The following ALDH1L2 variants were observed in gnomAD, a reference collection of about 807,000 sequenced individuals.
ALDH1L2 encodes mitochondrial 10-formyltetrahydrofolate dehydrogenase.
A neutral mutation model predicts 111.0 loss-of-function variants in ALDH1L2; 91 were observed. That is an observed-to-expected ratio of 0.82 (90% CI 0.69 to 0.98). The LOEUF (loss-of-function observed/expected upper bound fraction) is 0.98. ALDH1L2 is among the 50% of genes least tolerant of loss of function. The pLI is 0.00. For missense variants in ALDH1L2, 995 were observed against 1,126.8 expected, an observed-to-expected ratio of 0.88 and a Z score of 1.67; for synonymous variants, 374 against 392.6, an observed-to-expected ratio of 0.95 and a Z score of 0.56.
chr12:105,082,350 A>T lies in ALDH1L2; in HGVS notation c.48+2039T>A, dbSNP rs4964331. ...CGCCCAAATTCCTTTATGCCTATTTATAATCAATCCTTCCTCCTATCTCCA... is the reference window on the plus strand; with the variant it reads ...CGCCCAAATTCCTTTATGCCTATTTTTAATCAATCCTTCCTCCTATCTCCA... On this transcript the variant is annotated intron_variant, in intron 1 of 22. Transcript: ENST00000258494. 4.0e-3 allele frequency among the ~76,000 whole-genome samples: 614 copies of T among 152,262 alleles called. 8 individuals are homozygous for T. The highest frequency in any genetic ancestry group is 0.014 in the African/African-American group (574 of 41,546).
intron 21 of ALDH1L2, among the ~76,000 whole-genome samples, chr12:105,029,181 C>T (rs1186773641): frequency 1.3e-5 from 2 of 151,766 alleles, no homozygotes; most frequent in African/African-American, 4.8e-5. Context: ...GCACATGCCA[C>T]CATGCCCAGC....
In ALDH1L2 at chr12:105,049,999, G is replaced by T; in HGVS notation, c.1595C>A (p.Ser532Ter). The change falls in exon 13 of 23, where the codon TCA (serine) becomes TAA (stop). Residue 532 changes from serine to a stop codon, truncating the protein, a stop_gained. Coordinates refer to ENST00000258494, the MANE Select transcript of ALDH1L2 (RefSeq NM_001034173.4). LOFTEE classifies it high-confidence loss of function. ...EELATIEALD[S>*]GAVYTLALKT... is the part of the protein sequence containing the mutation. ...CAGGGCCAAGGTATAGACAGCCCCTGAATCAAGGGCTTCAATAGTTGCCAG... is the reference window on the plus strand; with the variant it reads ...CAGGGCCAAGGTATAGACAGCCCCTTAATCAAGGGCTTCAATAGTTGCCAG... 6.2e-7 allele frequency: 1 copy of T among 1,611,390 alleles called. No individual in the cohort carries two copies. The highest frequency in any genetic ancestry group is 1.1e-5 in the South Asian group (1 of 90,518).
At chr12:105,046,197 A>ATATATAT (rs1875869030) in intron 15 of ALDH1L2, among the ~76,000 whole-genome samples, 3 of 19,316 alleles carry the variant, frequency 1.6e-4, no homozygotes, top group Non-Finnish European at 2.7e-4. Context: ...CTCTCTCTAT[A>ATATATAT]TATATATATA....
rs902338623 is a variant in ALDH1L2 at position 105,020,286 on chromosome 12, G to A, written c.*4138C>T. 2.0e-5 allele frequency: 3 copies of A among 152,062 alleles called. No homozygotes were observed. Among genetic ancestry groups the A allele is most frequent in the African/African-American group, 7.2e-5 (3 of 41,384 alleles). The allele number at this position is 152,062 out of a possible 1,614,324, so 9.4% of individuals were successfully genotyped here. A position where few individuals can be genotyped will look rare whatever the true frequency, so the allele number is the denominator to read the frequency against. Reference sequence around the variant, plus strand: ...AGCTTTTATAGATAATGTCCATTTTGCTTATTATTTTTAGTTTAACCAATA... The same window carrying A: ...AGCTTTTATAGATAATGTCCATTTTACTTATTATTTTTAGTTTAACCAATA... On this transcript the variant is annotated 3_prime_UTR_variant, in exon 23 of 23. Coordinates refer to ENST00000258494, the MANE Select transcript of ALDH1L2 (RefSeq NM_001034173.4).
At chr12:105,034,275 C>CA in intron 19 of ALDH1L2, 25 bp downstream of exon 19, 1 of 1,608,762 alleles carries the variant, frequency 6.2e-7, no homozygotes, top group Non-Finnish European at 8.5e-7. Flanking sequence ...CTAAACAACT[C>CA]AGAGTAAATG....
chr12:105,056,040 G>T (rs920838772), intron 10 of ALDH1L2, among the ~76,000 whole-genome samples: 1 of 152,088 alleles, frequency 6.6e-6, no homozygotes, highest in African/African-American at 2.4e-5. Context: ...ACATTAATTT[G>T]CACATTTCAA....
chr12:105,062,549 C>A lies in ALDH1L2; in HGVS notation c.921+339G>T, dbSNP rs889174331. Among the ~76,000 whole-genome samples, 3 of 152,268 alleles carry A rather than the reference C, an allele frequency of 2.0e-5. No homozygotes were observed. The South Asian group carries it at 6.2e-4, about 32-fold the overall frequency. On this transcript the variant is annotated intron_variant, in intron 7 of 22. Transcript: ENST00000258494. ...CCACATCTATTTCACTTGATCCTCCCAGAATCTGGCATTGGGAAGGCAGAC... is the reference window on the plus strand; with the variant it reads ...CCACATCTATTTCACTTGATCCTCCAAGAATCTGGCATTGGGAAGGCAGAC...
At chr12:105,061,147 CA>C (rs1454295764) in intron 8 of ALDH1L2, 75 bp from the exon 9 acceptor site, 3 of 1,231,388 alleles carry the variant, frequency 2.4e-6, no homozygotes, top group Non-Finnish European at 3.6e-6. Flanking sequence ...AGCTCTTCAC[CA>C]AACCAATTCC....
intron 16 of ALDH1L2, among the ~76,000 whole-genome samples, chr12:105,040,125 CAAAAAAAAAAAAAAA>C (rs11284250): frequency 3.4e-5 from 2 of 59,080 alleles, no homozygotes; most frequent in South Asian, 1.4e-3. Context: ...GACTCCGTCT[CAAAAAAAAAAAAAAA>C]AAAAAAAAAA....
chr12:105,060,849 GAT>G, intron 9 of ALDH1L2, 130 bp downstream of exon 9: 1 of 136,758 alleles, frequency 7.3e-6, no homozygotes, highest in Non-Finnish European at 1.2e-5. Context: ...AAAAAAAAAA[GAT>G]GAGTCATAGA....
At chr12:105,051,959 G>T in intron 12 of ALDH1L2, 131 bp downstream of exon 12, 1 of 824,040 alleles carries the variant, frequency 1.2e-6, no homozygotes, top group South Asian at 2.1e-5. Flanking sequence ...TGTAATCCCA[G>T]CACTTTGGGA....
chr12:105,063,072 A>C (rs1158695037), intron 6 of ALDH1L2, 50 bp from the exon 7 acceptor site: 1 of 1,588,150 alleles, frequency 6.3e-7, no homozygotes. Context: ...AAAGCTGTTC[A>C]TAGCGGTATG....
intron 12 of ALDH1L2, among the ~76,000 whole-genome samples, chr12:105,050,987 A>C (rs1592784231): frequency 6.6e-6 from 1 of 152,148 alleles, no homozygotes; most frequent in South Asian, 2.1e-4. Flanking sequence ...TCTAGGTCCG[A>C]TATTGGATTT....
intron 13 of ALDH1L2, 50 bp from the exon 14 acceptor site, chr12:105,047,019 A>C: frequency 6.4e-7 from 1 of 1,572,646 alleles, no homozygotes; most frequent in South Asian, 1.1e-5. Context: ...AAATAAGTAA[A>C]TTTCATCTCA....
chr12:105,055,433 G>A (rs933904346), intron 10 of ALDH1L2, among the ~76,000 whole-genome samples: 19 of 152,190 alleles, frequency 1.2e-4, no homozygotes, highest in African/African-American at 4.1e-4. Context: ...AGCAACAAAT[G>A]TTGTGAAGGG....
chr12:105,070,022 CA>C (rs1048858850), intron 3 of ALDH1L2, among the ~76,000 whole-genome samples: 1 of 150,682 alleles, frequency 6.6e-6, no homozygotes, highest in Non-Finnish European at 1.5e-5. Context: ...ATGCTCTATG[CA>C]AAAAAAAAGT....
rs1874200288 is a variant in ALDH1L2 at position 105,022,274 on chromosome 12, A to G, written c.*2150T>C. 2 of 152,210 alleles carry G rather than the reference A, an allele frequency of 1.3e-5. No individual in the cohort carries two copies. The highest frequency in any genetic ancestry group is 2.9e-5 in the Non-Finnish European group (2 of 68,034). The allele number at this position is 152,210 out of a possible 1,614,324, so 9.4% of individuals were successfully genotyped here. On this transcript the variant is annotated 3_prime_UTR_variant, in exon 23 of 23. Coordinates refer to ENST00000258494, the MANE Select transcript of ALDH1L2 (RefSeq NM_001034173.4). Reference sequence around the variant, plus strand: ...GGAGTTCTTAATCTGGGGCCCAAGCATGGCCTTTGGGAGGTCTGTGAACCC... The same window carrying G: ...GGAGTTCTTAATCTGGGGCCCAAGCGTGGCCTTTGGGAGGTCTGTGAACCC...
At chr12:105,064,230 C>A (rs1241866218) in intron 6 of ALDH1L2, among the ~76,000 whole-genome samples, 1 of 148,744 alleles carries the variant, frequency 6.7e-6, no homozygotes, top group Non-Finnish European at 1.5e-5. Context: ...AATCCTCCCA[C>A]CTCGGCCTCC....
At chr12:105,083,987 C>T (rs1247985176) in intron 1 of ALDH1L2, among the ~76,000 whole-genome samples, 1 of 152,186 alleles carries the variant, frequency 6.6e-6, no homozygotes, top group African/African-American at 2.4e-5. Flanking sequence ...CTCCCCTCCT[C>T]CAGGAGACAG....
Sources: gnomAD v4.1 joint callset for allele counts (sites outside exome capture counted in the v4.1 genomes callset) on GRCh38, gnomAD v4.1.1 for gene constraint, MANE v1.5 for transcripts, NCBI Gene and HGNC (gene_info 2026-07-23, HGNC 2026-07-21) for gene names.